The following ITGA11 variants were observed in gnomAD, a reference collection of about 807,000 sequenced individuals.
ITGA11 encodes integrin alpha-11.
In ITGA11, 97 loss-of-function variants were observed where a neutral mutation model predicts 141.9. The observed-to-expected ratio is 0.68, with a 90% CI of 0.58 to 0.81. ITGA11 has a LOEUF of 0.81. Ranked by LOEUF, ITGA11 falls within the 30% of genes least tolerant of loss-of-function variation. The pLI is 0.00. For synonymous variants in ITGA11, 658 were observed against 624.6 expected (o/e 1.05, Z -0.80); for missense variants, 1,387 against 1,559.2 (o/e 0.89, Z 1.86).
intron 4 of ITGA11, among the ~76,000 whole-genome samples, chr15:68,362,491 T>G (rs1895275885): frequency 1.3e-5 from 2 of 152,198 alleles, no homozygotes; most frequent in Admixed American, 1.3e-4. Context: ...GTACATAATG[T>G]TTGGAAGTGG....
intron 1 of ITGA11, among the ~76,000 whole-genome samples, chr15:68,413,973 C>T (rs994055343): frequency 6.6e-6 from 1 of 152,222 alleles, no homozygotes; most frequent in Non-Finnish European, 1.5e-5. Flanking sequence ...CTCCCTTTGC[C>T]TGTACCATGG....
chr15:68,374,169 T>C (rs1450080845), intron 2 of ITGA11, among the ~76,000 whole-genome samples: 2 of 152,220 alleles, frequency 1.3e-5, no homozygotes, highest in Non-Finnish European at 2.9e-5. Context: ...ACCTGGGGCC[T>C]GGACTTACTG....
At chr15:68,367,854 T>C (rs577923763) in intron 3 of ITGA11, among the ~76,000 whole-genome samples, 3 of 152,308 alleles carry the variant, frequency 2.0e-5, no homozygotes, top group African/African-American at 7.2e-5. Flanking sequence ...AAAGAATTTG[T>C]ACAGCTGGAA....
chr15:68,398,400 AAAG>A (rs1896375745), intron 2 of ITGA11, among the ~76,000 whole-genome samples: 1 of 151,356 alleles, frequency 6.6e-6, no homozygotes, highest in African/African-American at 2.4e-5. Flanking sequence ...CAAAAGAGAC[AAAG>A]AAGGCCATTA....
At chr15:68,318,188 G>A (rs1893661598) in intron 20 of ITGA11, among the ~76,000 whole-genome samples, 1 of 152,064 alleles carries the variant, frequency 6.6e-6, no homozygotes, top group Non-Finnish European at 1.5e-5. Flanking sequence ...GTAGGCTCCA[G>A]GCTAACTCTG....
intron 10 of ITGA11, 91 bp downstream of exon 10, chr15:68,348,733 TGTGAAG>T: frequency 9.4e-7 from 1 of 1,062,004 alleles, no homozygotes. Context: ...CCAACCCATC[TGTGAAG>T]GTGGATGACA....
chr15:68,351,842 G>GGAGC (rs1276902504), intron 7 of ITGA11, among the ~76,000 whole-genome samples: 1 of 152,068 alleles, frequency 6.6e-6, no homozygotes, highest in Non-Finnish European at 1.5e-5. Context: ...TAGCACTGTG[G>GGAGC]GAGCCGAAGG....
At chr15:68,364,661 C>A in intron 4 of ITGA11, 46 bp downstream of exon 4, 1 of 1,308,602 alleles carries the variant, frequency 7.6e-7, no homozygotes, top group South Asian at 1.2e-5. Context: ...CTCCCCACCC[C>A]CACCCCTGCC....
chr15:68,345,421 G>A (rs1481654462), intron 10 of ITGA11, among the ~76,000 whole-genome samples: 2 of 152,168 alleles, frequency 1.3e-5, no homozygotes, highest in Non-Finnish European at 1.5e-5. Flanking sequence ...CTCTGTGGGT[G>A]TCCAGGTGAT....
At chr15:68,396,448 T>C (rs571676647) in intron 2 of ITGA11, among the ~76,000 whole-genome samples, 26 of 152,142 alleles carry the variant, frequency 1.7e-4, no homozygotes, top group African/African-American at 5.8e-4. Flanking sequence ...AATAAATAAA[T>C]GAATAAACTA....
intron 2 of ITGA11, among the ~76,000 whole-genome samples, chr15:68,397,856 C>A (rs1218245232): frequency 2.8e-5 from 4 of 143,374 alleles, no homozygotes; most frequent in Non-Finnish European, 6.0e-5. Context: ...TTATAACATT[C>A]TTAAAGAAAA....
Position 68,330,969 on chromosome 15 carries a change from G to C in ITGA11, c.1901+12C>G, listed in dbSNP as rs764630874. On this transcript the variant is annotated intron_variant, in intron 15 of 29. Coordinates refer to ENST00000315757, the MANE Select transcript of ITGA11 (RefSeq NM_001004439.2). ...GGAGAGCCCAGGAGGTGGGAACAGC[G>C]GGGGAACCAACCACAGAATCACAGC... 1 of 1,613,652 alleles carries C rather than the reference G, an allele frequency of 6.2e-7. No individual in the cohort carries two copies. The highest frequency in any genetic ancestry group is 2.2e-5 in the East Asian group (1 of 44,870).
intron 19 of ITGA11, 133 bp from the exon 20 acceptor site, chr15:68,320,525 G>A (rs1893768689): frequency 4.6e-6 from 3 of 658,466 alleles, no homozygotes; most frequent in Non-Finnish European, 2.6e-6. Context: ...TAGCCACTGG[G>A]AGGAGAGTGG....
chr15:68,427,297 T>A (rs1377286476), intron 1 of ITGA11, among the ~76,000 whole-genome samples: 1 of 152,190 alleles, frequency 6.6e-6, no homozygotes, highest in East Asian at 1.9e-4. Flanking sequence ...CCAGACACTG[T>A]TCTCAGCACT....
chr15:68,393,798 A>G (rs1247998033), intron 2 of ITGA11, among the ~76,000 whole-genome samples: 8 of 152,198 alleles, frequency 5.3e-5, no homozygotes, highest in Admixed American at 5.2e-4. Flanking sequence ...AACACCAGAA[A>G]GGGTAGCTAT....
intron 1 of ITGA11, among the ~76,000 whole-genome samples, chr15:68,414,212 G>A (rs552133562): frequency 6.6e-6 from 1 of 152,274 alleles, no homozygotes; most frequent in Admixed American, 6.5e-5. Flanking sequence ...CAAAACTTGC[G>A]GACACCAGGC....
rs372656640 is a variant in ITGA11, at chr15:68,321,768, C to A, written c.2323-265G>T. Among the ~76,000 whole-genome samples the A allele has an allele frequency of 1.3e-5, 2 of 152,308 alleles. No individual in the cohort carries two copies. Among genetic ancestry groups the A allele is most frequent in the South Asian group, 4.1e-4 (2 of 4,832 alleles). On this transcript the variant is annotated intron_variant, in intron 18 of 29. Coordinates refer to ENST00000315757, the MANE Select transcript of ITGA11 (RefSeq NM_001004439.2). This position sits in a 1 kb window ranked among gnomAD's most constrained non-coding sequence, Gnocchi z 4.9. Reference sequence around the variant, plus strand: ...CCCCACCCCCACTCACCCAGCAGAGCGGTTCTGGTCAACATTTATTGATCA... The same window carrying A: ...CCCCACCCCCACTCACCCAGCAGAGAGGTTCTGGTCAACATTTATTGATCA...
intron 2 of ITGA11, among the ~76,000 whole-genome samples, chr15:68,382,736 G>C (rs1895892983): frequency 2.0e-5 from 3 of 151,888 alleles, no homozygotes; most frequent in African/African-American, 4.8e-5. Context: ...TTCTTGATTG[G>C]CTTTTTCTAC....
chr15:68,313,924 G>A (rs558106186), intron 22 of ITGA11, 56 bp from the exon 23 acceptor site: 105 of 1,407,512 alleles, frequency 7.5e-5, no homozygotes, highest in South Asian at 3.0e-4. Context: ...CACAGGCAGC[G>A]GGAAGGGTCT....
Sources: gnomAD v4.1 joint callset for allele counts (sites outside exome capture counted in the v4.1 genomes callset) on GRCh38, gnomAD v4.1.1 for gene constraint, Gnocchi (gnomAD v3.1) non-coding constraint, MANE v1.5 for transcripts, NCBI Gene and HGNC (gene_info 2026-07-23, HGNC 2026-07-21) for gene names.